The following MMS22L variants were observed in gnomAD, a reference collection of about 807,000 sequenced individuals.
MMS22L encodes the protein MMS22 like, DNA repair protein.
A neutral mutation model predicts 159.1 loss-of-function variants in MMS22L; 74 were observed. The ratio of observed to expected loss-of-function variants is 0.47; its 90% CI spans 0.39 to 0.56. MMS22L has a LOEUF of 0.56. MMS22L is among the 20% of genes least tolerant of loss of function. The pLI is 0.00. For missense variants in MMS22L, 1,351 were observed against 1,422.1 expected (o/e 0.95, Z 0.80); for synonymous variants, 517 against 506.9 (o/e 1.02, Z -0.27).
intron 4 of MMS22L, among the ~76,000 whole-genome samples, chr6:97,273,484 T>A (rs1815960064): frequency 2.0e-5 from 3 of 152,208 alleles, no homozygotes; most frequent in African/African-American, 7.2e-5. Context: ...TATGATCTCA[T>A]CAGTTCCTTT....
At chr6:97,270,151 G>A in intron 6 of MMS22L, 159 bp from the exon 7 acceptor site, 1 of 653,580 alleles carries the variant, frequency 1.5e-6, no homozygotes. Flanking sequence ...GTTCATTAGA[G>A]GATTCTTTCA....
At chr6:97,159,843 A>T (rs115020827) in intron 22 of MMS22L, among the ~76,000 whole-genome samples, 5,474 of 152,002 alleles carry the variant, frequency 0.036, 105 homozygotes, top group Middle Eastern at 0.072. Flanking sequence ...TAAATATGCA[A>T]ATATTCAAAA....
At chr6:97,156,745 C>T (rs1026631314) in intron 22 of MMS22L, among the ~76,000 whole-genome samples, 7 of 151,932 alleles carry the variant, frequency 4.6e-5, no homozygotes, top group Admixed American at 1.3e-4. Context: ...AGTCAGGTAG[C>T]GTGACAAAGT....
intron 23 of MMS22L, 147 bp downstream of exon 23, chr6:97,151,624 C>T (rs993133307): frequency 3.1e-5 from 20 of 651,262 alleles, no homozygotes; most frequent in South Asian, 1.1e-4. Context: ...CACAGTGTAA[C>T]AAAACTACTG....
At chr6:97,191,944 C>T (rs1188553354) in intron 14 of MMS22L, among the ~76,000 whole-genome samples, 1 of 152,052 alleles carries the variant, frequency 6.6e-6, no homozygotes, top group East Asian at 1.9e-4. Context: ...TGAGAAAAAA[C>T]AATAGACAAC....
chr6:97,147,181 T>C (rs1800964357), intron 24 of MMS22L, among the ~76,000 whole-genome samples: 1 of 152,150 alleles, frequency 6.6e-6, no homozygotes, highest in Non-Finnish European at 1.5e-5. Context: ...ATAAAATGCA[T>C]TCATGGAATA....
chr6:97,155,388 T>C (rs1582376387), intron 22 of MMS22L, among the ~76,000 whole-genome samples: 2 of 152,330 alleles, frequency 1.3e-5, no homozygotes, highest in Middle Eastern at 3.4e-3. Context: ...TATGTATACA[T>C]GTGCCATGTT....
At chr6:97,170,462 G>GT (rs11317728) in intron 19 of MMS22L, among the ~76,000 whole-genome samples, 26 of 149,244 alleles carry the variant, frequency 1.7e-4, no homozygotes, top group Admixed American at 6.0e-4. Context: ...AAAAACCTAA[G>GT]TTTTTTTTTT....
chr6:97,207,422 T>C (rs749900188), intron 14 of MMS22L, among the ~76,000 whole-genome samples: 22 of 152,318 alleles, frequency 1.4e-4, no homozygotes, highest in Admixed American at 1.4e-3. Flanking sequence ...TTAAGATATA[T>C]TTCTGGCCTA....
intron 22 of MMS22L, 83 bp from the exon 23 acceptor site, chr6:97,151,950 A>G: frequency 1.0e-6 from 1 of 993,360 alleles, no homozygotes; most frequent in Non-Finnish European, 1.5e-6. Flanking sequence ...CTTGATTTAG[A>G]AAAATATGTT....
chr6:97,217,818 A>G (rs1480323753), intron 14 of MMS22L, among the ~76,000 whole-genome samples: 1 of 152,156 alleles, frequency 6.6e-6, no homozygotes, highest in African/African-American at 2.4e-5. Flanking sequence ...GAGTCACTCA[A>G]TAGGCCCTTT....
chr6:97,276,840 AC>A (rs1235124208), intron 4 of MMS22L, among the ~76,000 whole-genome samples: 1 of 152,006 alleles, frequency 6.6e-6, no homozygotes, highest in Non-Finnish European at 1.5e-5. Flanking sequence ...TTCCTTTATC[AC>A]CGTACCTTTT....
intron 13 of MMS22L, among the ~76,000 whole-genome samples, chr6:97,229,883 C>A (rs1189088770): frequency 6.6e-6 from 1 of 152,088 alleles, no homozygotes; most frequent in African/African-American, 2.4e-5. Flanking sequence ...TACCTTAAGA[C>A]AATGCAAGGC....
At chr6:97,168,335 A>G in intron 19 of MMS22L, 95 bp from the exon 20 acceptor site, 1 of 1,084,658 alleles carries the variant, frequency 9.2e-7, no homozygotes. Flanking sequence ...AGCACATGGG[A>G]CCAAATTAAA....
chr6:97,263,599 A>G (rs1453226261), intron 8 of MMS22L, 151 bp from the exon 9 acceptor site: 6 of 428,442 alleles, frequency 1.4e-5, no homozygotes, highest in Non-Finnish European at 2.4e-5. Flanking sequence ...GTGCAATTTC[A>G]TTTAACTTTT....
intron 4 of MMS22L, among the ~76,000 whole-genome samples, chr6:97,273,448 A>G (rs1014638424): frequency 6.6e-6 from 1 of 151,722 alleles, no homozygotes; most frequent in Non-Finnish European, 1.5e-5. Flanking sequence ...TGAATCCTCT[A>G]CTCTCTGTAT....
rs539839265 is a variant in MMS22L at position 97,235,743 on chromosome 6, G to A, written c.1183-1763C>T. ...TATGGATGGCTGAGGACATCTAGGA[G>A]GTGAGGAAGTAAATATTTAAGTGAA... On this transcript the variant is annotated intron_variant, in intron 11 of 24. Coordinates refer to ENST00000683635, the MANE Select transcript of MMS22L (RefSeq NM_001350599.2). 2.7e-4 allele frequency among the ~76,000 whole-genome samples: 41 copies of A among 152,214 alleles called. No individual in the cohort carries two copies. The East Asian group carries it at 5.8e-3, about 21-fold the overall frequency.
At chr6:97,171,497 C>G (rs1669393490) in intron 19 of MMS22L, among the ~76,000 whole-genome samples, 2 of 152,042 alleles carry the variant, frequency 1.3e-5, no homozygotes, top group Admixed American at 6.6e-5. Flanking sequence ...TACATGGAAA[C>G]AGAAAACTAT....
intron 19 of MMS22L, among the ~76,000 whole-genome samples, chr6:97,169,436 C>A (rs1027466498): frequency 3.3e-5 from 5 of 151,928 alleles, no homozygotes; most frequent in African/African-American, 1.2e-4. Context: ...ATATTTTATT[C>A]CATCCTAGAA....
Sources: allele counts gnomAD v4.1 joint callset (sites outside exome capture counted in the v4.1 genomes callset), GRCh38; gene constraint gnomAD v4.1.1; transcripts MANE v1.5; gene names NCBI Gene and HGNC (gene_info 2026-07-23, HGNC 2026-07-21).